The following TPH2 variants were observed in gnomAD, a reference collection of about 807,000 sequenced individuals.
TPH2 encodes the protein tryptophan hydroxylase 2.
Under a neutral mutation model 59.1 loss-of-function variants are expected in TPH2, and 27 were observed. The observed-to-expected ratio is 0.46, with a 90% CI of 0.34 to 0.63. The LOEUF (loss-of-function observed/expected upper bound fraction) is 0.63, where lower values mean the gene tolerates loss of function less well. Among genes scored for constraint, TPH2 ranks in the 30% least tolerant of loss-of-function variants. TPH2 has a pLI of 0.01. For synonymous variants in TPH2, 220 were observed against 210.5 expected (o/e 1.05, Z -0.39); for missense variants, 523 against 588.3 (o/e 0.89, Z 1.15).
intron 8 of TPH2, among the ~76,000 whole-genome samples, chr12:72,015,315 G>GTTTTTTTTTTTTTTTT (rs869231666): frequency 1.6e-4 from 16 of 98,974 alleles, no homozygotes; most frequent in Admixed American, 5.5e-4. Context: ...TTTTTTGGTT[G>GTTTTTTTTTTTTTTTT]TTTTTTTTTT....
chr12:72,023,821 G>GAAAAAAAAAAAAAAAAAAAAAA (rs767208238), intron 9 of TPH2, among the ~76,000 whole-genome samples: 5 of 27,876 alleles, frequency 1.8e-4, no homozygotes, highest in East Asian at 8.2e-4. Context: ...GACTCTGACA[G>GAAAAAAAAAAAAAAAAAAAAAA]AAAAAAAAAA....
At chr12:71,977,820 A>G (rs986672836) in intron 6 of TPH2, among the ~76,000 whole-genome samples, 2 of 152,238 alleles carry the variant, frequency 1.3e-5, no homozygotes, top group Non-Finnish European at 2.9e-5. Flanking sequence ...TTTATATTAA[A>G]AAACAGAACT....
intron 6 of TPH2, among the ~76,000 whole-genome samples, chr12:71,973,084 T>C (rs1282345083): frequency 2.0e-5 from 3 of 152,334 alleles, no homozygotes; most frequent in Non-Finnish European, 4.4e-5. Context: ...ATGTACTGAA[T>C]GATGATATTT....
intron 5 of TPH2, among the ~76,000 whole-genome samples, chr12:71,969,007 A>G (rs532728737): frequency 1.3e-3 from 198 of 152,340 alleles, no homozygotes; most frequent in African/African-American, 4.5e-3. Context: ...AACGGGCCGG[A>G]AGCGGCTGGC....
At chr12:72,014,684 C>T (rs1223709684) in intron 8 of TPH2, among the ~76,000 whole-genome samples, 1 of 152,136 alleles carries the variant, frequency 6.6e-6, no homozygotes, top group Non-Finnish European at 1.5e-5. Flanking sequence ...AACCACCGTG[C>T]CCGGCCCAGA....
intron 8 of TPH2, among the ~76,000 whole-genome samples, chr12:72,000,580 A>C (rs959227971): frequency 6.6e-6 from 1 of 152,218 alleles, no homozygotes; most frequent in Non-Finnish European, 1.5e-5. Context: ...GTGGCATTTT[A>C]GACATGCAGA....
chr12:71,981,120 A>G (rs1192649553), intron 7 of TPH2, among the ~76,000 whole-genome samples: 1 of 152,178 alleles, frequency 6.6e-6, no homozygotes, highest in African/African-American at 2.4e-5. Flanking sequence ...GGATGAGCAG[A>G]AATTTCATTT....
intron 8 of TPH2, among the ~76,000 whole-genome samples, chr12:71,995,789 G>A (rs985221505): frequency 6.6e-6 from 1 of 152,098 alleles, no homozygotes; most frequent in African/African-American, 2.4e-5. Flanking sequence ...ATTTTTTAGA[G>A]AGACTGGCAA....
chr12:71,963,807 T>TA (rs1871746399), intron 5 of TPH2, among the ~76,000 whole-genome samples: 1 of 25,398 alleles, frequency 3.9e-5, no homozygotes. Flanking sequence ...AGATTCTGTC[T>TA]CAAAAAAAAA....
At chr12:71,973,884 T>C (rs146664015) in intron 6 of TPH2, among the ~76,000 whole-genome samples, 248 of 152,206 alleles carry the variant, frequency 1.6e-3, no homozygotes, top group Admixed American at 2.7e-3. Flanking sequence ...CAATGAATCA[T>C]ACAGTGACAT....
chr12:72,000,223 G>GTTCT (rs1872787981), intron 8 of TPH2, among the ~76,000 whole-genome samples: 1 of 152,144 alleles, frequency 6.6e-6, no homozygotes, highest in Admixed American at 6.5e-5. Flanking sequence ...TGTTCTACAG[G>GTTCT]GCAATAAAAC....
In TPH2 at chr12:71,949,723, C is replaced by A; in HGVS notation, c.608+68C>A. On this transcript the variant is annotated intron_variant, in intron 5 of 10. Coordinates refer to ENST00000333850, the MANE Select transcript of TPH2 (RefSeq NM_173353.4). ...AAAAACACATGCTGTGTTAAACAAA[C>A]CTGTCATCTCTTCACTTTAACTTTT... is the stretch of plus-strand genomic sequence containing the variant. 11 of 1,321,088 alleles carry A rather than the reference C, an allele frequency of 8.3e-6. No individual in the cohort carries two copies. In the South Asian group the frequency reaches 1.1e-4, roughly 13 times the overall value. 81.8% of individuals were successfully genotyped at this position (1,321,088 alleles called of 1,614,324 possible). A position where few individuals can be genotyped will look rare whatever the true frequency, so the allele number is the denominator to read the frequency against.
intron 7 of TPH2, among the ~76,000 whole-genome samples, chr12:71,989,881 T>A (rs1384301775): frequency 6.6e-6 from 1 of 151,762 alleles, no homozygotes; most frequent in Admixed American, 6.6e-5. Context: ...AGAATCCCCC[T>A]AGCAGGGCTT....
At chr12:71,945,865 C>T (rs1199659538) in intron 4 of TPH2, among the ~76,000 whole-genome samples, 4 of 152,144 alleles carry the variant, frequency 2.6e-5, no homozygotes, top group African/African-American at 4.8e-5. Flanking sequence ...CTCAAAGAAA[C>T]AATGTGTTAT....
chr12:71,941,667 G>A lies in TPH2; in HGVS notation c.189G>A (p.Lys63=), dbSNP rs760298131. The change falls in exon 2 of 11, where the codon AAG becomes AAA. Residue 63 remains lysine (K), a synonymous_variant. Transcript: ENST00000333850. ...SKREAATESG[K]TAVVFSLKNE... is the part of the protein sequence containing the mutation. Reference sequence around the variant, plus strand: ...GTGAAGCTGCTACCGAAAGTGGCAAGACAGCAGTTGTTTTCTCCTTGAAGA... The same window carrying A: ...GTGAAGCTGCTACCGAAAGTGGCAAAACAGCAGTTGTTTTCTCCTTGAAGA... The A allele has an allele frequency of 3.7e-6, 6 of 1,614,014 alleles. No individual in the cohort carries two copies. Among genetic ancestry groups the A allele is most frequent in the Non-Finnish European group, 5.1e-6 (6 of 1,179,994 alleles).
At chr12:71,955,827 G>T (rs548440872) in intron 5 of TPH2, among the ~76,000 whole-genome samples, 1 of 151,944 alleles carries the variant, frequency 6.6e-6, no homozygotes, top group Non-Finnish European at 1.5e-5. Context: ...CTCGGCCAAG[G>T]CTTTTGTATA....
intron 5 of TPH2, chr12:71,961,599 T>G (rs1276743935): frequency 7.4e-7 from 1 of 1,352,020 alleles, no homozygotes; most frequent in African/African-American, 1.5e-5. Flanking sequence ...ATTTCAGCTC[T>G]TTTCTGTATC....
rs120074175 is a variant in TPH2, at chr12:72,031,544, G to A, written c.1322G>A (p.Arg441His). 1.3e-5 allele frequency: 21 copies of A among 1,613,204 alleles called. No homozygotes were observed. The highest frequency in any genetic ancestry group is 1.5e-5 in the Non-Finnish European group (18 of 1,179,622). Residue 441 changes from arginine to histidine, a missense_variant, in exon 11 of 11, where the codon CGT becomes CAT. Coordinates refer to ENST00000333850, the MANE Select transcript of TPH2 (RefSeq NM_173353.4). ...AGGGACTTTGCAAAGTCAATTACCC[G>A]TCCCTTCTCAGTATACTTCAATCCC... Reference protein sequence around the residue: ...KMRDFAKSITRPFSVYFNPYT... With the variant: ...KMRDFAKSITHPFSVYFNPYT...
At chr12:72,004,663 C>CA (rs1236269573) in intron 8 of TPH2, among the ~76,000 whole-genome samples, 1 of 152,164 alleles carries the variant, frequency 6.6e-6, no homozygotes, top group Admixed American at 6.5e-5. Context: ...AGTAGGCTCT[C>CA]AAAATCTTAG....
Sources: allele counts gnomAD v4.1 joint callset (sites outside exome capture counted in the v4.1 genomes callset), GRCh38; gene constraint gnomAD v4.1.1; transcripts MANE v1.5; gene names NCBI Gene and HGNC (gene_info 2026-07-23, HGNC 2026-07-21).